SH2B2: variants seen among roughly 807,000 people sequenced by gnomAD.
SH2B2 encodes SH2B adaptor protein 2, also known as SH2B adapter protein 2.
In SH2B2, 37 loss-of-function variants were observed where a neutral mutation model predicts 35.7. That is an observed-to-expected ratio of 1.04 (90% CI 0.80 to 1.36). The LOEUF is 1.36. Among genes scored for constraint, SH2B2 ranks in the 40% most tolerant of loss-of-function variants. The pLI, the probability that SH2B2 is intolerant of heterozygous loss-of-function variation, is 0.00. For missense variants in SH2B2, 852 were observed against 817.7 expected (o/e 1.04, Z -0.51); for synonymous variants, 383 against 376.4 (o/e 1.02, Z -0.20).
intron 2 of SH2B2, among the ~76,000 whole-genome samples, chr7:102,301,685 C>T (rs190165727): frequency 6.5e-4 from 98 of 151,538 alleles, no homozygotes; most frequent in African/African-American, 2.3e-3. Context: ...GATTCTCCTG[C>T]CTCAGCCTCC....
upstream of SH2B2, chr7:102,286,778 A>G (rs1406349730): frequency 6.4e-4 from 24 of 37,492 alleles, no homozygotes; most frequent in African/African-American, 2.4e-3. Flanking sequence ...GGGCGGGGCC[A>G]GGACGCGCGA....
At chr7:102,307,161 C>A (rs1399334345) in intron 3 of SH2B2, among the ~76,000 whole-genome samples, 3 of 152,224 alleles carry the variant, frequency 2.0e-5, no homozygotes, top group African/African-American at 7.2e-5. Flanking sequence ...GGTGGCCAGC[C>A]GGCAGCAGTT....
Position 102,300,724 on chromosome 7 carries a change from C to T in SH2B2, c.174C>T (p.Gly58=). 2 of 1,529,630 alleles carry T rather than the reference C, an allele frequency of 1.3e-6. No homozygotes were observed. The highest frequency in any genetic ancestry group is 8.8e-7 in the Non-Finnish European group (1 of 1,134,412). 94.8% of individuals were successfully genotyped at this position (1,529,630 alleles called of 1,614,324 possible). Residue 58 remains glycine, a synonymous_variant, in exon 2 of 9, where the codon GGC becomes GGT. Transcript: ENST00000444095. ...CAGCTTACGACACGCCCGACGCCGG[C>T]GCCTCCTTCTCCCGCCACTTCGCCG... The part of the protein sequence containing the change: ...DNPAYDTPDA[G]ASFSRHFAAN...
chr7:102,310,772 ACT>A (rs1303014616), intron 4 of SH2B2, among the ~76,000 whole-genome samples: 1 of 151,904 alleles, frequency 6.6e-6, no homozygotes, highest in Non-Finnish European at 1.5e-5. Context: ...TGCTCTGCAA[ACT>A]CTTTCCCCAG....
upstream of SH2B2, among the ~76,000 whole-genome samples, chr7:102,286,468 A>T (rs1229993913): frequency 1.3e-5 from 2 of 152,130 alleles, no homozygotes; most frequent in Admixed American, 6.5e-5. Context: ...GCCACGCAGG[A>T]CATTCCCCCG....
intron 4 of SH2B2, chr7:102,309,711 C>A (rs181901968): frequency 2.2e-4 from 35 of 161,972 alleles, no homozygotes; most frequent in Non-Finnish European, 3.5e-4. Context: ...AGAGAGGCTC[C>A]TAACCCAGCC....
intron 2 of SH2B2, among the ~76,000 whole-genome samples, chr7:102,302,104 C>T (rs545901575): frequency 3.9e-5 from 6 of 152,350 alleles, no homozygotes; most frequent in African/African-American, 1.4e-4. Context: ...AGAGATCCTC[C>T]CCCACCTTGG....
chr7:102,302,800 C>A (rs1033137442), intron 2 of SH2B2, among the ~76,000 whole-genome samples: 2 of 152,228 alleles, frequency 1.3e-5, no homozygotes, highest in Admixed American at 6.5e-5. Context: ...CACCTGTAGT[C>A]CAAGCTACTT....
intron 4 of SH2B2, 162 bp downstream of exon 4, chr7:102,309,068 T>C: frequency 1.4e-6 from 1 of 719,996 alleles, no homozygotes; most frequent in East Asian, 2.6e-5. Context: ...TCCTTTAAAA[T>C]ACCCCCTACC....
intron 7 of SH2B2, among the ~76,000 whole-genome samples, chr7:102,318,399 A>T (rs958022625): frequency 4.6e-5 from 7 of 152,190 alleles, no homozygotes; most frequent in Non-Finnish European, 7.3e-5. Context: ...TCAGCCTCCC[A>T]AAGTGCTGGG....
At chr7:102,308,226 A>G (rs1793475780) in intron 3 of SH2B2, among the ~76,000 whole-genome samples, 2 of 152,108 alleles carry the variant, frequency 1.3e-5, no homozygotes, top group African/African-American at 4.8e-5. Flanking sequence ...CTTCTCATCT[A>G]TAAAATGGGG....
In SH2B2 at chr7:102,314,425, A is replaced by C; in HGVS notation, c.1013A>C (p.Asp338Ala). Reference sequence around the variant, plus strand: ...TCCTGCAGCTGTGAGCTCCTGACTGATGGTAGGTAGGGGGACAGGGTTGAA... The same window carrying C: ...TCCTGCAGCTGTGAGCTCCTGACTGCTGGTAGGTAGGGGGACAGGGTTGAA... ...VASCSCELLT[D>A]AVDLPRPPET... Residue 338 changes from aspartate (D) to alanine (A), a missense_variant and splice_region_variant, in exon 5 of 9, where the codon GAT becomes GCT. Physicochemically the swap from Asp to Ala is moderately radical, Grantham distance 126 (BLOSUM62 -2). This residue lies in a region of SH2B2 where 556 missense variants were observed against 514.5 expected (regional missense o/e 1.08). Coordinates refer to ENST00000444095, the MANE Select transcript of SH2B2 (RefSeq NM_001359228.2). 1 of 398,700 alleles carries C rather than the reference A, an allele frequency of 2.5e-6. No homozygotes were observed. Among genetic ancestry groups the C allele is most frequent in the Non-Finnish European group, 4.4e-6 (1 of 226,220 alleles). 24.7% of individuals were successfully genotyped at this position (398,700 alleles called of 1,614,324 possible). A position where few individuals can be genotyped will look rare whatever the true frequency, so the allele number is the denominator to read the frequency against.
intron 6 of SH2B2, among the ~76,000 whole-genome samples, chr7:102,315,485 C>T (rs1793788157): frequency 6.6e-6 from 1 of 151,960 alleles, no homozygotes; most frequent in Non-Finnish European, 1.5e-5. Context: ...CCCGCCACCT[C>T]GCCTGGCTCA....
Position 102,321,550 on chromosome 7 carries a change from G to A in SH2B2, c.1819G>A (p.Ala607Thr). The change falls in exon 9 of 9, where the codon GCC becomes ACC. Residue 607 changes from alanine to threonine, a missense_variant. Coordinates refer to ENST00000444095, the MANE Select transcript of SH2B2 (RefSeq NM_001359228.2). ...NSAERLLEAV[A>T]ATAAEEPPEA... ...CGCCGAGCGCCTGCTGGAGGCCGTGGCCGCCACCGCCGCCGAGGAGCCCCC... is the reference window on the plus strand; with the variant it reads ...CGCCGAGCGCCTGCTGGAGGCCGTGACCGCCACCGCCGCCGAGGAGCCCCC... 8.7e-7 allele frequency: 1 copy of A among 1,145,618 alleles called. No homozygotes were observed. 71.0% of individuals were successfully genotyped at this position (1,145,618 alleles called of 1,614,324 possible).
chr7:102,303,438 C>T (rs957287269), intron 2 of SH2B2, among the ~76,000 whole-genome samples: 3 of 152,098 alleles, frequency 2.0e-5, no homozygotes, highest in Non-Finnish European at 4.4e-5. Flanking sequence ...AGTCACCCGC[C>T]GCTTCTTGGC....
chr7:102,319,783 C>T lies in SH2B2; in HGVS notation c.1396-548C>T, dbSNP rs530583283. 4.0e-3 allele frequency among the ~76,000 whole-genome samples: 613 copies of T among 152,258 alleles called. 1 individual carries two copies. The highest frequency in any genetic ancestry group is 5.9e-3 in the Non-Finnish European group (399 of 68,002). On this transcript the variant is annotated intron_variant, in intron 7 of 8. Transcript: ENST00000444095. ...CTGAGGCACCTGCCTCACACAGGCC[C>T]TAGAGACCTAGAGAGAAGCCAGCCC...
intron 1 of SH2B2, among the ~76,000 whole-genome samples, chr7:102,299,532 G>A (rs1793065550): frequency 6.6e-6 from 1 of 152,072 alleles, no homozygotes; most frequent in Non-Finnish European, 1.5e-5. Context: ...CTCCTGGGAG[G>A]AGAACAGACT....
chr7:102,289,538 G>A (rs1408509607), intron 1 of SH2B2, among the ~76,000 whole-genome samples: 1 of 152,138 alleles, frequency 6.6e-6, no homozygotes, highest in East Asian at 1.9e-4. Flanking sequence ...GGTACCTGGA[G>A]ATCAGCCAGG....
intron 7 of SH2B2, among the ~76,000 whole-genome samples, chr7:102,318,755 C>T (rs556129153): frequency 2.4e-4 from 37 of 152,272 alleles, no homozygotes; most frequent in African/African-American, 7.9e-4. Flanking sequence ...TTGGCCCCAC[C>T]ATGCAGGAGG....
Sources: allele counts gnomAD v4.1 joint callset (sites outside exome capture counted in the v4.1 genomes callset), GRCh38; gene constraint gnomAD v4.1.1; regional missense constraint gnomAD v4.1.1; transcripts MANE v1.5; gene names NCBI Gene and HGNC (gene_info 2026-07-23, HGNC 2026-07-21).